D2HGDH: variants seen among roughly 807,000 people sequenced by gnomAD.
D2HGDH encodes the protein D-2-hydroxyglutarate dehydrogenase, mitochondrial.
Under a neutral mutation model 46.9 loss-of-function variants are expected in D2HGDH, and 31 were observed. That is an observed-to-expected ratio of 0.66 (90% CI 0.50 to 0.89). The LOEUF (loss-of-function observed/expected upper bound fraction) is 0.89, where lower values mean the gene tolerates loss of function less well. Ranked by LOEUF, D2HGDH falls within the 40% of genes least tolerant of loss-of-function variation. The probability of loss-of-function intolerance (pLI) is 0.00; values close to 1 mark genes in which losing one functional copy is unlikely to be tolerated. For missense variants in D2HGDH, 698 were observed against 720.8 expected, an observed-to-expected ratio of 0.97 and a Z score of 0.36; for synonymous variants, 364 against 332.6, an observed-to-expected ratio of 1.09 and a Z score of -1.03.
chr2:241,749,542 G>A (rs1054917832), intron 6 of D2HGDH: 14 of 376,120 alleles, frequency 3.7e-5, no homozygotes, highest in Non-Finnish European at 5.8e-5. Context: ...CAACCCTGGA[G>A]CACTAACACG....
At chr2:241,762,157 C>T (rs1698889304) in intron 9 of D2HGDH, among the ~76,000 whole-genome samples, 2 of 150,598 alleles carry the variant, frequency 1.3e-5, no homozygotes, top group African/African-American at 4.9e-5. Flanking sequence ...CTGCAACGTC[C>T]GCCTCCCGGG....
In D2HGDH at chr2:241,755,920, C is replaced by G; in HGVS notation, c.1212C>G (p.Leu404=). The G allele has an allele frequency of 6.2e-7, 1 of 1,612,952 alleles. No individual in the cohort carries two copies. The highest frequency in any genetic ancestry group is 8.5e-7 in the Non-Finnish European group (1 of 1,179,516). ...ATGGCTACGTGTACAAGTACGACCTCTCCCTCCCTGTGGAGCGGCTCTACG... is the reference window on the plus strand; with the variant it reads ...ATGGCTACGTGTACAAGTACGACCTGTCCCTCCCTGTGGAGCGGCTCTACG... The part of the protein sequence containing the change: ...SRDGYVYKYD[L]SLPVERLYDI... Residue 404 remains leucine, a synonymous_variant, in exon 9 of 10, where the codon CTC becomes CTG. Coordinates refer to ENST00000321264, the MANE Select transcript of D2HGDH (RefSeq NM_152783.5).
chr2:241,744,939 T>C, intron 6 of D2HGDH, 62 bp downstream of exon 6: 1 of 1,603,404 alleles, frequency 6.2e-7, no homozygotes, highest in African/African-American at 1.3e-5. Flanking sequence ...GCTCTGATGG[T>C]GCCACTGTTG....
chr2:241,754,943 G>A (rs1697920555), intron 8 of D2HGDH: 2 of 1,120,464 alleles, frequency 1.8e-6, no homozygotes, highest in Non-Finnish European at 2.3e-6. Flanking sequence ...TAGGGTCTCT[G>A]GAGGGGCAGG....
rs1294923880 is a variant in D2HGDH at position 241,742,536 on chromosome 2, C to T, written c.452C>T (p.Ala151Val). The change falls in exon 4 of 10, where the codon GCC (alanine) becomes GTC (valine). Residue 151 changes from alanine to valine, a missense_variant. Physicochemically the swap from Ala to Val is moderately conservative, Grantham distance 64 (BLOSUM62 0). Coordinates refer to ENST00000321264, the MANE Select transcript of D2HGDH (RefSeq NM_152783.5). The surrounding 1 kb of genome is among the most constrained non-coding windows in gnomAD (Gnocchi z 4.8). ...TTTGACGAGATCATCCTCTCCACTG[C>T]CCGCATGAACCGGGTCCTCAGCTTC... ...PVFDEIILST[A>V]RMNRVLSFHS... The T allele has an allele frequency of 3.1e-6, 5 of 1,614,006 alleles. No homozygotes were observed. Among genetic ancestry groups the T allele is most frequent in the Non-Finnish European group, 4.2e-6 (5 of 1,180,026 alleles).
chr2:241,750,258 G>A lies in D2HGDH; in HGVS notation c.961G>A (p.Val321Ile). 1.9e-6 allele frequency: 3 copies of A among 1,613,866 alleles called. No individual in the cohort carries two copies. Among genetic ancestry groups the A allele is most frequent in the Non-Finnish European group, 2.5e-6 (3 of 1,180,030 alleles). ...CATGGATGCTGTGTGCATGCAGCTG[G>A]TCGGGCGCCATCTCCACCTGGCCAG... ...EFMDAVCMQLVGRHLHLASPV... is the reference protein window; with the variant it reads ...EFMDAVCMQLIGRHLHLASPV... The change falls in exon 7 of 10, where the codon GTC (valine) becomes ATC (isoleucine). Residue 321 changes from valine to isoleucine, a missense_variant. By Grantham distance (29) the Val-to-Ile change is conservative. Coordinates refer to ENST00000321264, the MANE Select transcript of D2HGDH (RefSeq NM_152783.5).
At position 241,743,571 on chromosome 2, in the gene D2HGDH, C is replaced by CG; in HGVS notation, c.491-46dup. 3 of 1,585,526 alleles carry CG rather than the reference C, an allele frequency of 1.9e-6. No homozygotes were observed. Among genetic ancestry groups the CG allele is most frequent in the African/African-American group, 2.7e-5 (2 of 74,580 alleles). On this transcript the variant is annotated intron_variant, in intron 4 of 9. Transcript: ENST00000321264. This position sits in a 1 kb window ranked among gnomAD's most constrained non-coding sequence, Gnocchi z 4.8. ...AGATGGGGGTTGGGACTCACCAGCC[C>CG]GGGGGCCCACTGGAAGCCAAGTGCT... is the stretch of plus-strand genomic sequence containing the variant.
In D2HGDH at chr2:241,743,429, T is replaced by C. The variant is rs62192002; in HGVS notation, c.491-193T>C. ...CATTTTTTTTTTGTGTCACCATAATTATAAAGGTCCTGTGAGGCCCAGATG... is the reference window on the plus strand; with the variant it reads ...CATTTTTTTTTTGTGTCACCATAATCATAAAGGTCCTGTGAGGCCCAGATG... On this transcript the variant is annotated intron_variant, in intron 4 of 9. Transcript: ENST00000321264. The surrounding 1 kb of genome is among the most constrained non-coding windows in gnomAD (Gnocchi z 4.8). Among the ~76,000 whole-genome samples the C allele has an allele frequency of 0.56, 85,117 of 151,950 alleles. 25,692 individuals are homozygous for C. Among genetic ancestry groups the C allele is most frequent in the African/African-American group, 0.8 (33,293 of 41,460 alleles).
At chr2:241,734,725 G>A (rs1692217590) in intron 1 of D2HGDH, 30 bp downstream of exon 1, 1 of 153,052 alleles carries the variant, frequency 6.5e-6, no homozygotes, top group African/African-American at 2.4e-5. Flanking sequence ...CGGAGCGCTG[G>A]GCTGAGGGTC....
intron 8 of D2HGDH, among the ~76,000 whole-genome samples, chr2:241,754,121 G>C (rs376630091): frequency 9.9e-4 from 151 of 152,378 alleles, no homozygotes; most frequent in Non-Finnish European, 1.8e-3. Flanking sequence ...TGACTGAGGC[G>C]TGAGCAGACA....
chr2:241,761,839 C>G (rs953000985), intron 9 of D2HGDH, among the ~76,000 whole-genome samples: 1 of 152,008 alleles, frequency 6.6e-6, no homozygotes, highest in Non-Finnish European at 1.5e-5. Flanking sequence ...GGTGACGGAA[C>G]AGCTCAGATT....
intron 8 of D2HGDH, chr2:241,755,451 G>T: frequency 7.6e-7 from 1 of 1,313,760 alleles, no homozygotes; most frequent in South Asian, 1.2e-5. Context: ...TTGCCACTCT[G>T]TGCCGTGTCA....
At chr2:241,746,691 C>T (rs111957722) in intron 6 of D2HGDH, among the ~76,000 whole-genome samples, 9,421 of 152,032 alleles carry the variant, frequency 0.062, 326 homozygotes, top group Middle Eastern at 0.11. Flanking sequence ...AGTTTGAGAC[C>T]AGCCTGGTCA....
chr2:241,735,273 G>A lies in D2HGDH; in HGVS notation c.49G>A (p.Ala17Thr). 2 of 1,521,230 alleles carry A rather than the reference G, an allele frequency of 1.3e-6. No homozygotes were observed. Among genetic ancestry groups the A allele is most frequent in the South Asian group, 1.2e-5 (1 of 82,222 alleles). The allele number at this position is 1,521,230 out of a possible 1,614,324, so 94.2% of individuals were successfully genotyped here. Reference sequence around the variant, plus strand: ...GTGGCCCGCGTGGCTGTTGCGGGGTGCTCCGGGAGCCGCGGGTTCTTGGGG... The same window carrying A: ...GTGGCCCGCGTGGCTGTTGCGGGGTACTCCGGGAGCCGCGGGTTCTTGGGG... ...LAWPAWLLRG[A>T]PGAAGSWGRP... is the part of the protein sequence containing the mutation. Residue 17 changes from alanine to threonine, a missense_variant, in exon 2 of 10, where the codon GCT (alanine) becomes ACT (threonine). Ala to Thr is a moderately conservative substitution (Grantham distance 58, BLOSUM62 0). Coordinates refer to ENST00000321264, the MANE Select transcript of D2HGDH (RefSeq NM_152783.5).
chr2:241,764,950 G>A (rs569242937), intron 9 of D2HGDH, among the ~76,000 whole-genome samples: 6 of 152,268 alleles, frequency 3.9e-5, no homozygotes, highest in African/African-American at 9.6e-5. Flanking sequence ...GAGGTTGTGC[G>A]TGGGGCGGGC....
intron 8 of D2HGDH, among the ~76,000 whole-genome samples, chr2:241,753,241 C>T (rs1028265060): frequency 3.9e-5 from 6 of 152,130 alleles, no homozygotes; most frequent in African/African-American, 1.4e-4. Context: ...GTGTGCGGCT[C>T]GATGAGTTGA....
At chr2:241,747,774 G>C (rs995217765) in intron 6 of D2HGDH, among the ~76,000 whole-genome samples, 2 of 152,120 alleles carry the variant, frequency 1.3e-5, no homozygotes, top group East Asian at 3.9e-4. Flanking sequence ...TGATGCCCAG[G>C]CTGGTCTTGA....
chr2:241,758,141 T>C (rs902038481), intron 9 of D2HGDH, among the ~76,000 whole-genome samples: 9 of 152,182 alleles, frequency 5.9e-5, no homozygotes, highest in African/African-American at 1.9e-4. Context: ...ATCCTTTCTG[T>C]ATCTTGCTGG....
At chr2:241,755,377 C>T in intron 8 of D2HGDH, 1 of 1,303,950 alleles carries the variant, frequency 7.7e-7, no homozygotes, top group Non-Finnish European at 1.0e-6. Flanking sequence ...CCTTCCCTAC[C>T]CTGCCCCACC....
Sources: gnomAD v4.1 joint callset for allele counts (sites outside exome capture counted in the v4.1 genomes callset) on GRCh38, gnomAD v4.1.1 for gene constraint, Gnocchi (gnomAD v3.1) non-coding constraint, MANE v1.5 for transcripts, NCBI Gene and HGNC (gene_info 2026-07-23, HGNC 2026-07-21) for gene names.